The following GLI3 variants were observed in gnomAD, a reference collection of about 807,000 sequenced individuals.
GLI3 encodes GLI family zinc finger 3.
In GLI3, 20 loss-of-function variants were observed where a neutral mutation model predicts 100.8. The observed-to-expected ratio is 0.20, with a 90% CI of 0.14 to 0.29. The LOEUF is 0.29. Among genes scored for constraint, GLI3 ranks in the 10% least tolerant of loss-of-function variants. The pLI is 1.00. For missense variants in GLI3, 2,040 were observed against 2,128.5 expected (o/e 0.96, Z 0.82); for synonymous variants, 938 against 860.5 (o/e 1.09, Z -1.58).
At chr7:42,017,919 G>A (rs1788814452) in intron 10 of GLI3, among the ~76,000 whole-genome samples, 1 of 152,172 alleles carries the variant, frequency 6.6e-6, no homozygotes, top group Admixed American at 6.5e-5. Context: ...GCTTGGCCTT[G>A]GACGTTGGGG....
intron 10 of GLI3, among the ~76,000 whole-genome samples, chr7:41,998,244 T>C (rs1395087734): frequency 6.6e-6 from 1 of 152,132 alleles, no homozygotes; most frequent in Non-Finnish European, 1.5e-5. Context: ...TGGCACCTCT[T>C]CTAAGGTATT....
intron 2 of GLI3, among the ~76,000 whole-genome samples, chr7:42,170,167 A>T (rs1583617955): frequency 1.3e-5 from 2 of 150,502 alleles, no homozygotes; most frequent in East Asian, 4.0e-4. Flanking sequence ...CACGAGAATC[A>T]GTTGAGCCCA....
intron 10 of GLI3, among the ~76,000 whole-genome samples, chr7:42,020,445 C>T (rs368811606): frequency 1.3e-5 from 2 of 152,222 alleles, no homozygotes; most frequent in African/African-American, 4.8e-5. Context: ...CTTGCTTTAG[C>T]AGGCAGTCGG....
intron 12 of GLI3, among the ~76,000 whole-genome samples, chr7:41,974,174 T>C (rs1021440266): frequency 2.0e-5 from 3 of 152,170 alleles, no homozygotes; most frequent in African/African-American, 4.8e-5. Flanking sequence ...GGATGTACAT[T>C]ATGGGTTAGC....
At chr7:42,014,134 C>T (rs1185625554) in intron 10 of GLI3, among the ~76,000 whole-genome samples, 1 of 152,210 alleles carries the variant, frequency 6.6e-6, no homozygotes. Flanking sequence ...GTACTTGCAA[C>T]TTGCCAGGTT....
chr7:42,065,890 C>T (rs1291368335), intron 4 of GLI3, among the ~76,000 whole-genome samples: 3 of 152,064 alleles, frequency 2.0e-5, no homozygotes, highest in African/African-American at 7.2e-5. Flanking sequence ...TTCGAGTAGC[C>T]ATGTTATTAA....
intron 10 of GLI3, among the ~76,000 whole-genome samples, chr7:42,004,161 G>C (rs1185514944): frequency 6.6e-6 from 1 of 152,116 alleles, no homozygotes; most frequent in Non-Finnish European, 1.5e-5. Context: ...GAACAGTAAA[G>C]AGAATAATAA....
chr7:42,195,032 G>A (rs562744435), intron 2 of GLI3, among the ~76,000 whole-genome samples: 50 of 152,094 alleles, frequency 3.3e-4, no homozygotes, highest in Non-Finnish European at 5.3e-4. Context: ...CTCCCAAAGC[G>A]CTGGGATTAC....
At chr7:42,193,457 G>GA (rs909221013) in intron 2 of GLI3, among the ~76,000 whole-genome samples, 47 of 145,574 alleles carry the variant, frequency 3.2e-4, no homozygotes, top group East Asian at 5.9e-4. Context: ...AGAGTTCCAA[G>GA]AAAAAAAAAA....
At chr7:42,099,938 C>T (rs776969904) in intron 3 of GLI3, among the ~76,000 whole-genome samples, 22 of 152,254 alleles carry the variant, frequency 1.4e-4, no homozygotes, top group Non-Finnish European at 1.9e-4. Context: ...ATGAGGATCA[C>T]GGGCACGTTA....
At chr7:42,077,754 T>C (rs979510685) in intron 3 of GLI3, among the ~76,000 whole-genome samples, 1 of 152,002 alleles carries the variant, frequency 6.6e-6, no homozygotes, top group Non-Finnish European at 1.5e-5. Context: ...AGTGATTCAC[T>C]GTAAAAACTG....
In GLI3 at chr7:42,145,344, G is replaced by A. The variant is rs190457620; in HGVS notation, c.367+2882C>T. 966 of 387,882 alleles carry A rather than the reference G, an allele frequency of 2.5e-3. 8 individuals carry two copies. Among genetic ancestry groups the A allele is most frequent in the East Asian group, 4.4e-3 (121 of 27,274 alleles). The allele number at this position is 387,882 out of a possible 1,614,324, so 24.0% of individuals were successfully genotyped here. A position where few individuals can be genotyped will look rare whatever the true frequency, so the allele number is the denominator to read the frequency against. The stretch of plus-strand genomic sequence containing the variant: ...CTTTTATGTTCCTGCATGTATTAAA[G>A]TTTGCATTTGTTACATAAAACACTT... On this transcript the variant is annotated intron_variant, in intron 3 of 14. Transcript: ENST00000395925.
intron 10 of GLI3, among the ~76,000 whole-genome samples, chr7:42,006,830 T>C (rs78876976): frequency 0.023 from 3,432 of 152,264 alleles, 118 homozygotes; most frequent in African/African-American, 0.077. Context: ...CAGAGCACTT[T>C]CTTAGGACTT....
At chr7:42,096,724 G>T (rs367986404) in intron 3 of GLI3, among the ~76,000 whole-genome samples, 1 of 152,202 alleles carries the variant, frequency 6.6e-6, no homozygotes, top group African/African-American at 2.4e-5. Flanking sequence ...CCAGGTCAGA[G>T]CATGGAGAGT....
chr7:41,992,505 TC>T (rs1197711441), intron 10 of GLI3, among the ~76,000 whole-genome samples: 1 of 152,074 alleles, frequency 6.6e-6, no homozygotes, highest in African/African-American at 2.4e-5. Flanking sequence ...GTGGGCCCCT[TC>T]CCTACCCCAT....
At chr7:41,992,868 A>T (rs757596678) in intron 10 of GLI3, among the ~76,000 whole-genome samples, 3 of 152,206 alleles carry the variant, frequency 2.0e-5, no homozygotes, top group Non-Finnish European at 4.4e-5. Flanking sequence ...ATGTCTAGCA[A>T]TATGTTGGAG....
intron 5 of GLI3, among the ~76,000 whole-genome samples, chr7:42,045,866 T>C (rs912672081): frequency 6.6e-6 from 1 of 152,222 alleles, no homozygotes; most frequent in Non-Finnish European, 1.5e-5. Flanking sequence ...ATCAAATCAC[T>C]GTATGTTTGC....
At chr7:41,979,230 A>G (rs1787589965) in intron 10 of GLI3, among the ~76,000 whole-genome samples, 1 of 152,232 alleles carries the variant, frequency 6.6e-6, no homozygotes, top group African/African-American at 2.4e-5. Context: ...GCACACACAG[A>G]CATGCACAAT....
intron 10 of GLI3, among the ~76,000 whole-genome samples, chr7:42,013,338 G>T (rs1788670082): frequency 6.6e-6 from 1 of 152,102 alleles, no homozygotes; most frequent in South Asian, 2.1e-4. Context: ...GGAACTATTT[G>T]CCAGGTGATG....
Sources: gnomAD v4.1 joint callset for allele counts (sites outside exome capture counted in the v4.1 genomes callset) on GRCh38, gnomAD v4.1.1 for gene constraint, MANE v1.5 for transcripts, NCBI Gene and HGNC (gene_info 2026-07-23, HGNC 2026-07-21) for gene names.